The following FAM171B variants were observed in gnomAD, a reference collection of about 807,000 sequenced individuals.
FAM171B encodes protein FAM171B.
FAM171B carries 19 observed loss-of-function variants against 75.6 expected under a neutral mutation model. That is an observed-to-expected ratio of 0.25 (90% CI 0.18 to 0.37). The LOEUF (loss-of-function observed/expected upper bound fraction) is 0.37, where lower values mean the gene tolerates loss of function less well. Among genes scored for constraint, FAM171B ranks in the 10% least tolerant of loss-of-function variants. The probability of loss-of-function intolerance (pLI) is 1.00; values close to 1 mark genes in which losing one functional copy is unlikely to be tolerated. For synonymous variants in FAM171B, 367 were observed against 361.7 expected (o/e 1.01, Z -0.17); for missense variants, 848 against 982.4 (o/e 0.86, Z 1.83).
chr2:186,705,745 A>T (rs999491054), intron 1 of FAM171B, among the ~76,000 whole-genome samples: 3 of 152,164 alleles, frequency 2.0e-5, no homozygotes, highest in African/African-American at 7.2e-5. Context: ...CATGACAGCC[A>T]TATAACCAAT....
intron 1 of FAM171B, among the ~76,000 whole-genome samples, chr2:186,725,663 G>T (rs959415168): frequency 2.0e-5 from 3 of 152,188 alleles, no homozygotes; most frequent in African/African-American, 7.2e-5. Context: ...TACTTACATG[G>T]CAGTGGTGAC....
At chr2:186,699,650 G>A (rs1689629597) in intron 1 of FAM171B, among the ~76,000 whole-genome samples, 1 of 152,126 alleles carries the variant, frequency 6.6e-6, no homozygotes, top group South Asian at 2.1e-4. Flanking sequence ...AACCATTTTT[G>A]CTTTGGTTGC....
rs763458911 is a variant in FAM171B, at chr2:186,762,543, A to C, written c.2201A>C (p.Lys734Thr). The C allele has an allele frequency of 6.2e-7, 1 of 1,613,634 alleles. No individual in the cohort carries two copies. The highest frequency in any genetic ancestry group is 8.5e-7 in the Non-Finnish European group (1 of 1,179,730). ...KTFIKSMHQPKILYLEDLDLS... is the reference protein window; with the variant it reads ...KTFIKSMHQPTILYLEDLDLS... ...TTCATCAAAAGCATGCATCAGCCCAAGATCCTTTACTTAGAAGATTTAGAC... is the reference window on the plus strand; with the variant it reads ...TTCATCAAAAGCATGCATCAGCCCACGATCCTTTACTTAGAAGATTTAGAC... Residue 734 changes from lysine (K) to threonine (T), a missense_variant, in exon 8 of 8, where the codon AAG becomes ACG. Transcript: ENST00000304698. This position sits in a 1 kb window ranked among gnomAD's most constrained non-coding sequence, Gnocchi z 4.0.
At chr2:186,724,312 T>C (rs1317208171) in intron 1 of FAM171B, among the ~76,000 whole-genome samples, 3 of 152,144 alleles carry the variant, frequency 2.0e-5, no homozygotes, top group Non-Finnish European at 4.4e-5. Context: ...AGGATCATGA[T>C]ATACACACGA....
chr2:186,694,973 C>A (rs1689558513), intron 1 of FAM171B, among the ~76,000 whole-genome samples: 1 of 151,980 alleles, frequency 6.6e-6, no homozygotes. Context: ...TTTCTCTTTA[C>A]CCCAGGAAGG....
chr2:186,710,799 T>G (rs890792075), intron 1 of FAM171B, among the ~76,000 whole-genome samples: 1 of 152,170 alleles, frequency 6.6e-6, no homozygotes, highest in African/African-American at 2.4e-5. Context: ...AACATTGGAA[T>G]TGGGTAATGA....
At chr2:186,701,120 C>T (rs1199229250) in intron 1 of FAM171B, among the ~76,000 whole-genome samples, 3 of 151,890 alleles carry the variant, frequency 2.0e-5, no homozygotes, top group Non-Finnish European at 2.9e-5. Flanking sequence ...GGGGTTTCAC[C>T]ATGTTGACCA....
chr2:186,738,818 A>C (rs543176471), intron 1 of FAM171B, among the ~76,000 whole-genome samples: 1 of 152,324 alleles, frequency 6.6e-6, no homozygotes, highest in South Asian at 2.1e-4. Context: ...TTGATAGGAA[A>C]AAATGGAGTA....
chr2:186,711,748 C>T (rs1689811981), intron 1 of FAM171B, among the ~76,000 whole-genome samples: 1 of 152,190 alleles, frequency 6.6e-6, no homozygotes, highest in Non-Finnish European at 1.5e-5. Context: ...TAAGCCCTAA[C>T]TTCAAGCAAA....
chr2:186,743,812 C>G (rs1690328063), intron 3 of FAM171B, among the ~76,000 whole-genome samples: 1 of 152,176 alleles, frequency 6.6e-6, no homozygotes, highest in South Asian at 2.1e-4. Flanking sequence ...AACAGGCACA[C>G]TGTAGAGAAC....
chr2:186,755,799 C>T (rs1206183981), intron 6 of FAM171B, among the ~76,000 whole-genome samples: 1 of 152,076 alleles, frequency 6.6e-6, no homozygotes. Context: ...GACTAATTAG[C>T]CATATATGAT....
intron 6 of FAM171B, among the ~76,000 whole-genome samples, chr2:186,756,257 GA>G (rs1273394456): frequency 2.5e-5 from 3 of 121,000 alleles, no homozygotes; most frequent in African/African-American, 8.9e-5. Flanking sequence ...CTTCTATAGT[GA>G]TGCTTTTGAA....
At chr2:186,738,344 GAGA>G (rs1396942203) in intron 1 of FAM171B, among the ~76,000 whole-genome samples, 1 of 152,046 alleles carries the variant, frequency 6.6e-6, no homozygotes, top group Non-Finnish European at 1.5e-5. Context: ...ATGTAGGGCA[GAGA>G]AGAATTTTAT....
intron 1 of FAM171B, among the ~76,000 whole-genome samples, chr2:186,696,424 A>G (rs756263039): frequency 2.7e-5 from 4 of 146,516 alleles, no homozygotes; most frequent in Non-Finnish European, 4.5e-5. Context: ...TTGTTTCCCT[A>G]CTGTCTGTTC....
chr2:186,696,559 C>T (rs1269370047), intron 1 of FAM171B, among the ~76,000 whole-genome samples: 1 of 146,394 alleles, frequency 6.8e-6, no homozygotes, highest in Admixed American at 7.0e-5. Flanking sequence ...AATGGCCTAC[C>T]AAGGTCTAGA....
intron 6 of FAM171B, among the ~76,000 whole-genome samples, chr2:186,755,664 T>G (rs1690522503): frequency 6.6e-6 from 1 of 152,194 alleles, no homozygotes; most frequent in South Asian, 2.1e-4. Context: ...AAATCAAGTT[T>G]GATTTTTATT....
At chr2:186,745,032 G>A (rs1690347019) in intron 3 of FAM171B, among the ~76,000 whole-genome samples, 18 of 151,892 alleles carry the variant, frequency 1.2e-4, no homozygotes, top group Admixed American at 1.2e-3. Flanking sequence ...GTTTCACCAT[G>A]TTGGCCAGGC....
chr2:186,762,733 A>G lies in FAM171B; in HGVS notation c.2391A>G (p.Lys797=). Residue 797 remains lysine, a synonymous_variant, in exon 8 of 8, where the codon AAA becomes AAG. Transcript: ENST00000304698. This position sits in a 1 kb window ranked among gnomAD's most constrained non-coding sequence, Gnocchi z 4.0. ...TTGAAGCTAATACATCCCCCACTAA[A>G]AGAAGGGGCAGACCACCACTAGCCA... ...EDFEANTSPT[K]RRGRPPLAKR... 6.2e-7 allele frequency: 1 copy of G among 1,613,232 alleles called. No homozygotes were observed.
chr2:186,765,171 C>CT lies in FAM171B; in HGVS notation c.*2348_*2349insT, dbSNP rs762322032. ...AAATTTCCTGTTAAAAAGCTGAAAC[C>CT]ATCTACTTTTTCTTAACCCAAGTGA... On this transcript the variant is annotated 3_prime_UTR_variant, in exon 8 of 8. Transcript: ENST00000304698. The CT allele has an allele frequency of 6.6e-6, 1 of 151,988 alleles. No individual in the cohort carries two copies. Among genetic ancestry groups the CT allele is most frequent in the South Asian group, 2.1e-4 (1 of 4,812 alleles). The allele number at this position is 151,988 out of a possible 1,614,324, so 9.4% of individuals were successfully genotyped here.
Sources: gnomAD v4.1 joint callset for allele counts (sites outside exome capture counted in the v4.1 genomes callset) on GRCh38, gnomAD v4.1.1 for gene constraint, Gnocchi (gnomAD v3.1) non-coding constraint, MANE v1.5 for transcripts, NCBI Gene and HGNC (gene_info 2026-07-23, HGNC 2026-07-21) for gene names.